The following GALNTL6 variants were observed in gnomAD, a reference collection of about 807,000 sequenced individuals.
GALNTL6 encodes polypeptide N-acetylgalactosaminyltransferase-like 6.
In GALNTL6, 46 loss-of-function variants were observed where a neutral mutation model predicts 73.7. That is an observed-to-expected ratio of 0.62 (90% confidence interval 0.49 to 0.80). The LOEUF (loss-of-function observed/expected upper bound fraction) is 0.80, where lower values mean the gene tolerates loss of function less well. GALNTL6 is among the 30% of genes least tolerant of loss of function. GALNTL6 has a pLI of 0.00. For missense variants in GALNTL6, 604 were observed against 755.0 expected, an observed-to-expected ratio of 0.80 and a Z score of 2.34; for synonymous variants, 259 against 263.7, an observed-to-expected ratio of 0.98 and a Z score of 0.17.
At chr4:172,475,117 ATGT>A (rs1733185998) in intron 5 of GALNTL6, among the ~76,000 whole-genome samples, 1 of 152,200 alleles carries the variant, frequency 6.6e-6, no homozygotes, top group African/African-American at 2.4e-5. Context: ...AAATGTTGAA[ATGT>A]TGTGATTTAT....
intron 2 of GALNTL6, among the ~76,000 whole-genome samples, chr4:172,107,001 G>C (rs1056732225): frequency 6.6e-6 from 1 of 152,184 alleles, no homozygotes; most frequent in Admixed American, 6.5e-5. Context: ...AGCCTCCCTA[G>C]TAGCTGGGAT....
At chr4:172,573,550 TA>T (rs753119721) in intron 5 of GALNTL6, among the ~76,000 whole-genome samples, 3 of 151,958 alleles carry the variant, frequency 2.0e-5, no homozygotes, top group Admixed American at 6.6e-5. Context: ...TCTATTATAA[TA>T]AAAAAAATAA....
chr4:172,138,488 TA>T (rs1733699937), intron 2 of GALNTL6, among the ~76,000 whole-genome samples: 4 of 6,010 alleles, frequency 6.7e-4, no homozygotes, highest in East Asian at 3.2e-3. Flanking sequence ...TATATATATA[TA>T]TATATATATA....
chr4:172,604,937 A>G (rs1181193343), intron 5 of GALNTL6, among the ~76,000 whole-genome samples: 3 of 152,234 alleles, frequency 2.0e-5, no homozygotes, highest in Admixed American at 6.5e-5. Flanking sequence ...GTGACCACAG[A>G]GCAGTTGCTC....
chr4:172,703,792 G>C (rs1461693277), intron 5 of GALNTL6, among the ~76,000 whole-genome samples: 1 of 151,854 alleles, frequency 6.6e-6, no homozygotes, highest in Non-Finnish European at 1.5e-5. Flanking sequence ...TTAACAGTGT[G>C]GTAGAATTCA....
At chr4:171,872,421 C>T (rs1021100636) in intron 2 of GALNTL6, among the ~76,000 whole-genome samples, 1 of 151,996 alleles carries the variant, frequency 6.6e-6, no homozygotes, top group Non-Finnish European at 1.5e-5. Context: ...GGTAAGATGC[C>T]TAAAGTTCTA....
chr4:172,607,744 C>T, intron 5 of GALNTL6, among the ~76,000 whole-genome samples: 1 of 152,208 alleles, frequency 6.6e-6, no homozygotes. Context: ...CCTTTATAGC[C>T]TCATCAGCAT....
Position 171,955,974 on chromosome 4 carries a change from A to C in GALNTL6, c.138+141256A>C, listed in dbSNP as rs546397783. ...ATAAAACAGTATTTATGTTCTTTTTAATAAATATTTGTTACTTACTAATTT... is the reference window on the plus strand; with the variant it reads ...ATAAAACAGTATTTATGTTCTTTTTCATAAATATTTGTTACTTACTAATTT... On this transcript the variant is annotated intron_variant, in intron 2 of 12. Coordinates refer to ENST00000506823, the MANE Select transcript of GALNTL6 (RefSeq NM_001034845.3). Among the ~76,000 whole-genome samples, 3 of 150,552 alleles carry C rather than the reference A, an allele frequency of 2.0e-5. No individual in the cohort carries two copies. The East Asian group carries it at 5.9e-4, about 30-fold the overall frequency.
intron 2 of GALNTL6, among the ~76,000 whole-genome samples, chr4:172,156,355 C>G (rs1734261742): frequency 6.6e-6 from 1 of 151,750 alleles, no homozygotes; most frequent in African/African-American, 2.4e-5. Context: ...GGGGGAGAAT[C>G]TTTCACCTTT....
intron 7 of GALNTL6, among the ~76,000 whole-genome samples, chr4:172,838,300 G>C (rs1005049392): frequency 6.6e-6 from 1 of 152,164 alleles, no homozygotes; most frequent in Non-Finnish European, 1.5e-5. Flanking sequence ...ATTCACTGTA[G>C]CAGCAGCGGT....
intron 5 of GALNTL6, among the ~76,000 whole-genome samples, chr4:172,610,650 C>T (rs1738491103): frequency 6.6e-6 from 1 of 151,732 alleles, no homozygotes; most frequent in African/African-American, 2.4e-5. Flanking sequence ...GGTGATTAGA[C>T]TGTATATTCT....
chr4:172,292,857 A>G (rs1232126246), intron 3 of GALNTL6, among the ~76,000 whole-genome samples: 5 of 152,092 alleles, frequency 3.3e-5, no homozygotes, highest in Non-Finnish European at 7.4e-5. Flanking sequence ...CCAGAATAAT[A>G]GTTTGCATAT....
At chr4:172,647,064 G>A (rs1325900028) in intron 5 of GALNTL6, among the ~76,000 whole-genome samples, 1 of 152,036 alleles carries the variant, frequency 6.6e-6, no homozygotes, top group Non-Finnish European at 1.5e-5. Flanking sequence ...ACCCTGTAGA[G>A]GTTTCCTAGG....
intron 3 of GALNTL6, among the ~76,000 whole-genome samples, chr4:172,310,343 T>G (rs1740310313): frequency 6.6e-6 from 1 of 152,168 alleles, no homozygotes; most frequent in Admixed American, 6.5e-5. Context: ...CAATCTTGGC[T>G]TATTGCAACC....
intron 2 of GALNTL6, among the ~76,000 whole-genome samples, chr4:172,177,791 A>ATATATATACACATATATATGTGTGTG (rs1735075005): frequency 3.9e-5 from 4 of 101,790 alleles, no homozygotes; most frequent in South Asian, 4.0e-4. Flanking sequence ...ACACATGTGT[A>ATATATATACACATATATATGTGTGTG]TATATATACA....
chr4:172,642,668 A>G (rs1180768368), intron 5 of GALNTL6, among the ~76,000 whole-genome samples: 1 of 152,008 alleles, frequency 6.6e-6, no homozygotes, highest in African/African-American at 2.4e-5. Flanking sequence ...AAAGTTAATA[A>G]CAATGTATTA....
At chr4:172,432,656 C>T (rs1731495951) in intron 5 of GALNTL6, among the ~76,000 whole-genome samples, 2 of 151,896 alleles carry the variant, frequency 1.3e-5, no homozygotes, top group Non-Finnish European at 2.9e-5. Context: ...TTCTAAAAAT[C>T]ATCAGGCTGT....
intron 5 of GALNTL6, among the ~76,000 whole-genome samples, chr4:172,374,555 A>C (rs1025563313): frequency 1.3e-5 from 2 of 152,168 alleles, no homozygotes; most frequent in African/African-American, 4.8e-5. Flanking sequence ...TATGGTAGAC[A>C]TCATTGAGTA....
chr4:172,673,908 C>T (rs1242209054), intron 5 of GALNTL6, among the ~76,000 whole-genome samples: 1 of 152,120 alleles, frequency 6.6e-6, no homozygotes, highest in Non-Finnish European at 1.5e-5. Flanking sequence ...ACCAATGGGT[C>T]TTGGTTCTTT....
Sources: gnomAD v4.1 joint callset for allele counts (sites outside exome capture counted in the v4.1 genomes callset) on GRCh38, gnomAD v4.1.1 for gene constraint, MANE v1.5 for transcripts, NCBI Gene and HGNC (gene_info 2026-07-23, HGNC 2026-07-21) for gene names.